The following NAA50 variants were observed in gnomAD, a reference collection of about 807,000 sequenced individuals.
The protein encoded by NAA50 is N-alpha-acetyltransferase 50.
In NAA50, 7 loss-of-function variants were observed where a neutral mutation model predicts 20.7. The observed-to-expected ratio is 0.34, with a 90% CI of 0.19 to 0.63. The LOEUF (loss-of-function observed/expected upper bound fraction) is 0.63. Among genes scored for constraint, NAA50 ranks in the 30% least tolerant of loss-of-function variants. The pLI is 0.75. For missense variants in NAA50, 111 were observed against 199.1 expected, an observed-to-expected ratio of 0.56 and a Z score of 2.66; for synonymous variants, 54 against 70.6, an observed-to-expected ratio of 0.77 and a Z score of 1.18.
intron 1 of NAA50, among the ~76,000 whole-genome samples, chr3:113,724,376 G>C (rs1708175457): frequency 6.6e-6 from 1 of 152,184 alleles, no homozygotes; most frequent in Non-Finnish European, 1.5e-5. Context: ...AATTTTCCTT[G>C]TAGTTCATAG....
In NAA50 at chr3:113,746,242, G is replaced by T. The variant is rs1267840406; in HGVS notation, c.-293C>A. ...CCAGCCAGACCCGCTGCCGCGCTGT[G>T]ACCTTTCACCCCGCCCCTCGCGCGC... is the stretch of plus-strand genomic sequence containing the variant. On this transcript the variant is annotated 5_prime_UTR_variant, in exon 1 of 5. Coordinates refer to ENST00000240922, the MANE Select transcript of NAA50 (RefSeq NM_025146.4). 2.4e-6 allele frequency: 1 copy of T among 411,248 alleles called. No individual in the cohort carries two copies. Among genetic ancestry groups the T allele is most frequent in the Non-Finnish European group, 4.3e-6 (1 of 230,898 alleles). 25.5% of individuals were successfully genotyped at this position (411,248 alleles called of 1,614,324 possible).
intron 1 of NAA50, chr3:113,741,088 T>C: frequency 1.9e-6 from 1 of 530,492 alleles, no homozygotes. Context: ...CAGCATTAAT[T>C]GTTTTCAGAA....
intron 1 of NAA50, among the ~76,000 whole-genome samples, chr3:113,732,063 C>A (rs944742361): frequency 6.6e-6 from 1 of 152,004 alleles, no homozygotes; most frequent in Non-Finnish European, 1.5e-5. Flanking sequence ...ATGCCCCTCA[C>A]CCCCAACCAA....
intron 1 of NAA50, among the ~76,000 whole-genome samples, chr3:113,728,853 C>T (rs1052539853): frequency 6.6e-6 from 1 of 152,188 alleles, no homozygotes; most frequent in Non-Finnish European, 1.5e-5. Context: ...ATCTTTGTTC[C>T]AAAATCTGCT....
chr3:113,741,880 T>C (rs776317047), intron 1 of NAA50, among the ~76,000 whole-genome samples: 9 of 152,246 alleles, frequency 5.9e-5, no homozygotes, highest in African/African-American at 1.9e-4. Flanking sequence ...AATTACACGA[T>C]GATTCTATTT....
At chr3:113,740,764 T>C (rs1487851095) in intron 1 of NAA50, 1 of 167,418 alleles carries the variant, frequency 6.0e-6, no homozygotes, top group Non-Finnish European at 1.3e-5. Flanking sequence ...AAAGGTCACT[T>C]TTAATTGAGA....
At chr3:113,741,153 T>C (rs532729207) in intron 1 of NAA50, 87 of 542,800 alleles carry the variant, frequency 1.6e-4, no homozygotes, top group South Asian at 1.1e-3. Context: ...CACACATAAT[T>C]TGGCTTCAAA....
At chr3:113,726,486 TAAA>T (rs67748316) in intron 1 of NAA50, among the ~76,000 whole-genome samples, 1 of 141,650 alleles carries the variant, frequency 7.1e-6, no homozygotes, top group Admixed American at 7.1e-5. Flanking sequence ...ACCATTCACA[TAAA>T]AAAAAAAAAA....
chr3:113,721,955 A>G lies in NAA50; in HGVS notation c.333-18T>C. ...GGACATGCCTGAGATATAAGAGAGT[A>G]TCAGAAAAAAAATTAAAATTAAGGT... On this transcript the variant is annotated intron_variant, in intron 4 of 4. Transcript: ENST00000240922. The G allele has an allele frequency of 6.3e-7, 1 of 1,591,116 alleles. No homozygotes were observed. The highest frequency in any genetic ancestry group is 8.5e-7 in the Non-Finnish European group (1 of 1,171,548).
At chr3:113,723,117 G>C in intron 3 of NAA50, 145 bp from the exon 4 acceptor site, 1 of 1,189,150 alleles carries the variant, frequency 8.4e-7, no homozygotes, top group East Asian at 2.7e-5. Context: ...CCAAAGTTGT[G>C]TTCTCTCTCT....
rs1324229284 is a variant in NAA50, at chr3:113,746,186, C to G, written c.-237G>C. On this transcript the variant is annotated 5_prime_UTR_variant, in exon 1 of 5. Transcript: ENST00000240922. Reference sequence around the variant, plus strand: ...GCCGCCGCTTCTCCACACGTGCACTCGGGTCTCTCGGCTCCCTCCCGCCGC... The same window carrying G: ...GCCGCCGCTTCTCCACACGTGCACTGGGGTCTCTCGGCTCCCTCCCGCCGC... 66 of 492,316 alleles carry G rather than the reference C, an allele frequency of 1.3e-4. No individual in the cohort carries two copies. The highest frequency in any genetic ancestry group is 3.6e-6 in the Non-Finnish European group (1 of 280,164). The allele number at this position is 492,316 out of a possible 1,614,324, so 30.5% of individuals were successfully genotyped here. A position where few individuals can be genotyped will look rare whatever the true frequency, so the allele number is the denominator to read the frequency against.
rs112550966 is a variant in NAA50 at position 113,721,129 on chromosome 3, T to C, written c.*631A>G. ...CAAAAAAGCAGTTTAACTCAAATAC[T>C]TAGACCAAAGTATAACACTAAACCA... On this transcript the variant is annotated 3_prime_UTR_variant, in exon 5 of 5. Transcript: ENST00000240922. The C allele has an allele frequency of 6.6e-6, 1 of 152,656 alleles. No homozygotes were observed. Among genetic ancestry groups the C allele is most frequent in the South Asian group, 2.1e-4 (1 of 4,820 alleles). 9.5% of individuals were successfully genotyped at this position (152,656 alleles called of 1,614,324 possible). A position where few individuals can be genotyped will look rare whatever the true frequency, so the allele number is the denominator to read the frequency against.
intron 1 of NAA50, among the ~76,000 whole-genome samples, chr3:113,740,546 A>AT (rs1477045330): frequency 6.6e-6 from 1 of 151,886 alleles, no homozygotes; most frequent in East Asian, 1.9e-4. Flanking sequence ...TATGATTACT[A>AT]TTTTTTTGTA....
chr3:113,721,545 C>T lies in NAA50; in HGVS notation c.*215G>A. 2 of 593,854 alleles carry T rather than the reference C, an allele frequency of 3.4e-6. No individual in the cohort carries two copies. Among genetic ancestry groups the T allele is most frequent in the East Asian group, 5.8e-5 (2 of 34,360 alleles). The allele number at this position is 593,854 out of a possible 1,614,324, so 36.8% of individuals were successfully genotyped here. ...TCTACCTTGTCCTTCCTTCAAACCA[C>T]CTCACAAAAATAAGAGAAAACAATT... On this transcript the variant is annotated 3_prime_UTR_variant, in exon 5 of 5. Transcript: ENST00000240922.
intron 1 of NAA50, among the ~76,000 whole-genome samples, chr3:113,733,657 G>A (rs969772731): frequency 6.6e-6 from 1 of 151,762 alleles, no homozygotes; most frequent in African/African-American, 2.4e-5. Flanking sequence ...TTTAAGACCA[G>A]CCTGGCCAAC....
At position 113,729,216 on chromosome 3, in the gene NAA50, C is replaced by T. The variant is rs138982440; in HGVS notation, c.9-5121G>A. 1.1e-3 allele frequency among the ~76,000 whole-genome samples: 160 copies of T among 152,212 alleles called. 2 individuals carry two copies. In the East Asian group the frequency reaches 0.028, roughly 26 times the overall value. On this transcript the variant is annotated intron_variant, in intron 1 of 4. Coordinates refer to ENST00000240922, the MANE Select transcript of NAA50 (RefSeq NM_025146.4). ...GGCCAGGCTGGTCTTGAAATTATGG[C>T]CTCAAGTGATAGGCTCGCCCACCCT...
chr3:113,731,462 T>G lies in NAA50; in HGVS notation c.9-7367A>C, dbSNP rs543941787. Among the ~76,000 whole-genome samples, 14 of 152,318 alleles carry G rather than the reference T, an allele frequency of 9.2e-5. No homozygotes were observed. In the South Asian group the frequency reaches 2.9e-3, roughly 32 times the overall value. On this transcript the variant is annotated intron_variant, in intron 1 of 4. Transcript: ENST00000240922. ...TTAAATCCCCCTCATTTCTTTCTCC[T>G]TAAGCAGCCTTCTTGAGGTATAATT...
At chr3:113,725,175 A>G (rs1004713276) in intron 1 of NAA50, among the ~76,000 whole-genome samples, 1 of 152,254 alleles carries the variant, frequency 6.6e-6, no homozygotes, top group African/African-American at 2.4e-5. Context: ...CTGTAAACAA[A>G]GAATTTTTAA....
intron 1 of NAA50, among the ~76,000 whole-genome samples, chr3:113,733,063 G>A (rs1577070601): frequency 6.9e-6 from 1 of 144,186 alleles, no homozygotes; most frequent in Non-Finnish European, 1.5e-5. Flanking sequence ...TCTTGCCCAT[G>A]GTTTAGCCCT....
Sources: allele counts gnomAD v4.1 joint callset (sites outside exome capture counted in the v4.1 genomes callset), GRCh38; gene constraint gnomAD v4.1.1; transcripts MANE v1.5; gene names NCBI Gene and HGNC (gene_info 2026-07-23, HGNC 2026-07-21).